PGAP4: variants seen among roughly 807,000 people sequenced by gnomAD.
PGAP4 encodes GPI-N-acetylgalactosamine transferase PGAP4.
In PGAP4, 12 loss-of-function variants were observed where a neutral mutation model predicts 28.2. The observed-to-expected ratio is 0.42, with a 90% confidence interval of 0.27 to 0.69. PGAP4 has a LOEUF of 0.69. PGAP4 is among the 30% of genes least tolerant of loss of function. The probability of loss-of-function intolerance (pLI) is 0.22; values close to 1 mark genes in which losing one functional copy is unlikely to be tolerated. For synonymous variants in PGAP4, 205 were observed against 211.8 expected (o/e 0.97, Z 0.28); for missense variants, 425 against 513.5 (o/e 0.83, Z 1.67).
At chr9:101,512,871 G>A (rs376789086) in intron 2 of PGAP4, among the ~76,000 whole-genome samples, 1 of 152,022 alleles carries the variant, frequency 6.6e-6, no homozygotes, top group Non-Finnish European at 1.5e-5. Context: ...GATTTTCCAC[G>A]TTCAAAGAGT....
chr9:101,527,490 C>G (rs1221985496), intron 2 of PGAP4, among the ~76,000 whole-genome samples: 1 of 151,952 alleles, frequency 6.6e-6, no homozygotes, highest in African/African-American at 2.4e-5. Flanking sequence ...CTTATTGATC[C>G]TAGAATAATT....
intron 2 of PGAP4, among the ~76,000 whole-genome samples, chr9:101,510,947 A>G (rs192800787): frequency 2.7e-4 from 41 of 152,260 alleles, no homozygotes; most frequent in African/African-American, 4.6e-4. Flanking sequence ...TAGGGTTTTG[A>G]TATGAGTCTA....
intron 2 of PGAP4, among the ~76,000 whole-genome samples, chr9:101,507,537 C>T (rs551323362): frequency 6.6e-6 from 1 of 152,106 alleles, no homozygotes; most frequent in Non-Finnish European, 1.5e-5. Context: ...AGTTCTTGAA[C>T]CCCTAAAAGC....
At chr9:101,497,426 T>C (rs1053296041) in intron 2 of PGAP4, among the ~76,000 whole-genome samples, 1 of 151,696 alleles carries the variant, frequency 6.6e-6, no homozygotes, top group African/African-American at 2.4e-5. Context: ...TTGGAAGAGT[T>C]AGCTGTTGTT....
At chr9:101,523,558 A>ATT (rs1403144732) in intron 2 of PGAP4, among the ~76,000 whole-genome samples, 7 of 43,332 alleles carry the variant, frequency 1.6e-4, no homozygotes, top group Admixed American at 1.2e-3. Flanking sequence ...TGAATTTTTC[A>ATT]TTGTTTTTTT....
intron 1 of PGAP4, among the ~76,000 whole-genome samples, chr9:101,478,388 C>T (rs1024824279): frequency 1.3e-5 from 2 of 152,168 alleles, no homozygotes; most frequent in Non-Finnish European, 2.9e-5. Context: ...TTGCCTCAGA[C>T]GCATCATAAG....
At chr9:101,502,689 G>A (rs1427200496) in intron 2 of PGAP4, among the ~76,000 whole-genome samples, 1 of 152,034 alleles carries the variant, frequency 6.6e-6, no homozygotes, top group East Asian at 1.9e-4. Flanking sequence ...ACTAGCTTGG[G>A]ATGTCCCTTG....
At chr9:101,506,518 A>G (rs1826850221) in intron 2 of PGAP4, among the ~76,000 whole-genome samples, 1 of 152,114 alleles carries the variant, frequency 6.6e-6, no homozygotes, top group Non-Finnish European at 1.5e-5. Flanking sequence ...AAGGCCTGAT[A>G]TGATTTGCCT....
chr9:101,525,923 T>A (rs985221515), intron 2 of PGAP4, among the ~76,000 whole-genome samples: 1 of 152,208 alleles, frequency 6.6e-6, no homozygotes, highest in Non-Finnish European at 1.5e-5. Flanking sequence ...AATAATGCTA[T>A]GTTAAACATT....
rs76888720 is a variant in PGAP4 at position 101,480,085 on chromosome 9, C to G, written c.-77-2916G>C. Among the ~76,000 whole-genome samples, 50 of 152,126 alleles carry G rather than the reference C, an allele frequency of 3.3e-4. No individual in the cohort carries two copies. The East Asian group carries it at 5.0e-3, about 15-fold the overall frequency. ...AAGGCAACAGGCCAATTTCTAAATC[C>G]TCAGGAGAAAAGAAAGCATCTAGCA... On this transcript the variant is annotated intron_variant, in intron 1 of 1. Coordinates refer to ENST00000374848, the MANE Select transcript of PGAP4 (RefSeq NM_032342.3).
chr9:101,519,405 T>C (rs1444894241), intron 2 of PGAP4, among the ~76,000 whole-genome samples: 1 of 152,120 alleles, frequency 6.6e-6, no homozygotes, highest in Admixed American at 6.5e-5. Context: ...GCAATCCACC[T>C]GCCTCCCCCT....
chr9:101,493,763 T>C (rs1409364054), intron 2 of PGAP4, among the ~76,000 whole-genome samples: 5 of 152,178 alleles, frequency 3.3e-5, no homozygotes, highest in African/African-American at 4.8e-5. Flanking sequence ...TGGTGAACTT[T>C]TGTACAGTCC....
At chr9:101,529,837 T>C (rs1000473729) in intron 2 of PGAP4, among the ~76,000 whole-genome samples, 18 of 152,250 alleles carry the variant, frequency 1.2e-4, no homozygotes, top group African/African-American at 4.3e-4. Context: ...GTTCCTTAAA[T>C]GTGCCCAGAT....
chr9:101,492,854 A>G (rs954813743), intron 2 of PGAP4, among the ~76,000 whole-genome samples: 14 of 151,656 alleles, frequency 9.2e-5, no homozygotes, highest in African/African-American at 3.1e-4. Flanking sequence ...TTCTCCCTAA[A>G]CTCCCCCTTA....
intron 2 of PGAP4, among the ~76,000 whole-genome samples, chr9:101,506,583 A>T (rs74679422): frequency 6.6e-6 from 1 of 152,082 alleles, no homozygotes; most frequent in Non-Finnish European, 1.5e-5. Flanking sequence ...GATCTCCTGT[A>T]CGCTTGACCA....
At chr9:101,485,745 A>C (rs961512163) in intron 1 of PGAP4, among the ~76,000 whole-genome samples, 4 of 152,212 alleles carry the variant, frequency 2.6e-5, no homozygotes, top group African/African-American at 7.2e-5. Flanking sequence ...AATCTAAACC[A>C]TCTAGAAGTT....
At chr9:101,494,727 T>A (rs1202863856) in intron 2 of PGAP4, among the ~76,000 whole-genome samples, 4 of 151,680 alleles carry the variant, frequency 2.6e-5, no homozygotes, top group Non-Finnish European at 5.9e-5. Context: ...TTTAAAGGAC[T>A]CAAAGCAATA....
At chr9:101,508,520 C>T (rs998898925) in intron 2 of PGAP4, among the ~76,000 whole-genome samples, 1 of 152,044 alleles carries the variant, frequency 6.6e-6, no homozygotes, top group Admixed American at 6.6e-5. Flanking sequence ...GATGCTCTAC[C>T]CAGCTTTCAT....
chr9:101,511,238 G>A (rs958341635), intron 2 of PGAP4, among the ~76,000 whole-genome samples: 1 of 152,110 alleles, frequency 6.6e-6, no homozygotes, highest in Non-Finnish European at 1.5e-5. Flanking sequence ...TACAGATAAA[G>A]CTTCACTTGC....
Sources: gnomAD v4.1 joint callset for allele counts (sites outside exome capture counted in the v4.1 genomes callset) on GRCh38, gnomAD v4.1.1 for gene constraint, MANE v1.5 for transcripts, NCBI Gene and HGNC (gene_info 2026-07-23, HGNC 2026-07-21) for gene names.